Variants in SLC9A9 observed in about 807,000 individuals in gnomAD.
SLC9A9 encodes the protein solute carrier family 9 member A9.
Under a neutral mutation model 77.8 loss-of-function variants are expected in SLC9A9, and 62 were observed. The ratio of observed to expected loss-of-function variants is 0.80; its 90% CI spans 0.65 to 0.98. The LOEUF is 0.98. Among genes scored for constraint, SLC9A9 ranks in the 50% least tolerant of loss-of-function variants. The probability of loss-of-function intolerance (pLI) is 0.00; values close to 1 mark genes in which losing one functional copy is unlikely to be tolerated. For missense variants in SLC9A9, 775 were observed against 774.9 expected, an observed-to-expected ratio of 1.00 and a Z score of 0.00; for synonymous variants, 320 against 283.5, an observed-to-expected ratio of 1.13 and a Z score of -1.29.
chr3:143,659,789 G>T (rs1050094492), intron 5 of SLC9A9, among the ~76,000 whole-genome samples: 2 of 152,144 alleles, frequency 1.3e-5, no homozygotes, highest in Non-Finnish European at 2.9e-5. Context: ...GATATAGTTT[G>T]GGTGTATCCC....
intron 5 of SLC9A9, among the ~76,000 whole-genome samples, chr3:143,678,696 T>G (rs1387165521): frequency 1.3e-5 from 2 of 152,228 alleles, no homozygotes; most frequent in African/African-American, 4.8e-5. Flanking sequence ...TGTAGTATAT[T>G]CTTACATCTG....
At chr3:143,488,242 A>C (rs2035683471) in intron 11 of SLC9A9, among the ~76,000 whole-genome samples, 1 of 151,994 alleles carries the variant, frequency 6.6e-6, no homozygotes, top group Non-Finnish European at 1.5e-5. Flanking sequence ...AACTAATAAG[A>C]AGATTCAATC....
intron 5 of SLC9A9, among the ~76,000 whole-genome samples, chr3:143,657,149 C>A (rs949068199): frequency 2.0e-5 from 3 of 152,128 alleles, no homozygotes; most frequent in East Asian, 1.9e-4. Context: ...TCAAGCTCTG[C>A]CAGTCATAAT....
At chr3:143,480,735 G>T (rs770149164) in intron 11 of SLC9A9, among the ~76,000 whole-genome samples, 12 of 152,190 alleles carry the variant, frequency 7.9e-5, no homozygotes, top group Admixed American at 1.3e-4. Flanking sequence ...TAGTGGCCTT[G>T]TACTGGTGAG....
At chr3:143,380,750 G>A (rs551429516) in intron 13 of SLC9A9, among the ~76,000 whole-genome samples, 62 of 152,308 alleles carry the variant, frequency 4.1e-4, no homozygotes, top group African/African-American at 1.5e-3. Context: ...GTACATGAGA[G>A]CCAGGATCAT....
At chr3:143,671,452 T>G (rs2039152441) in intron 5 of SLC9A9, among the ~76,000 whole-genome samples, 1 of 152,216 alleles carries the variant, frequency 6.6e-6, no homozygotes, top group Admixed American at 6.5e-5. Context: ...TTGCTGCACC[T>G]CAATTATTTC....
intron 5 of SLC9A9, among the ~76,000 whole-genome samples, chr3:143,680,403 GA>G (rs1409209045): frequency 6.6e-6 from 1 of 151,922 alleles, no homozygotes; most frequent in Non-Finnish European, 1.5e-5. Flanking sequence ...AGTACTCCAT[GA>G]AAAAAATCTA....
chr3:143,815,548 A>ATTTTT (rs1559811099), intron 2 of SLC9A9, among the ~76,000 whole-genome samples: 4 of 31,502 alleles, frequency 1.3e-4, no homozygotes, highest in African/African-American at 2.0e-4. Flanking sequence ...TGCTATTTTA[A>ATTTTT]AAAAAAAAAA....
chr3:143,278,549 C>G (rs577527664), intron 14 of SLC9A9, among the ~76,000 whole-genome samples: 4 of 152,172 alleles, frequency 2.6e-5, no homozygotes, highest in Non-Finnish European at 5.9e-5. Flanking sequence ...GGCTCTGAGG[C>G]CAGCAATCCT....
chr3:143,784,652 C>T (rs746387634), intron 4 of SLC9A9, among the ~76,000 whole-genome samples: 7 of 151,940 alleles, frequency 4.6e-5, no homozygotes, highest in Non-Finnish European at 1.0e-4. Flanking sequence ...AATCACCAAA[C>T]CCAGTCCTGA....
intron 6 of SLC9A9, among the ~76,000 whole-genome samples, chr3:143,595,894 T>C (rs2037743427): frequency 6.6e-6 from 1 of 152,172 alleles, no homozygotes; most frequent in Non-Finnish European, 1.5e-5. Flanking sequence ...ACCTACTCCT[T>C]GTTGTACAAT....
intron 9 of SLC9A9, among the ~76,000 whole-genome samples, chr3:143,537,410 C>A (rs897309854): frequency 2.6e-5 from 4 of 152,156 alleles, no homozygotes; most frequent in African/African-American, 9.7e-5. Flanking sequence ...CACCAACCTG[C>A]CCTTGCTGGG....
chr3:143,421,432 G>A (rs142210965), intron 12 of SLC9A9, among the ~76,000 whole-genome samples: 10 of 152,172 alleles, frequency 6.6e-5, no homozygotes, highest in African/African-American at 2.4e-4. Context: ...CAACTGAACA[G>A]AATAGAAAAC....
At chr3:143,422,602 A>T (rs1334341209) in intron 12 of SLC9A9, among the ~76,000 whole-genome samples, 1 of 152,116 alleles carries the variant, frequency 6.6e-6, no homozygotes, top group African/African-American at 2.4e-5. Context: ...TAGAGGAGGG[A>T]GGGAGGAGGG....
chr3:143,299,664 C>T (rs1255136958), intron 14 of SLC9A9, among the ~76,000 whole-genome samples: 7 of 152,104 alleles, frequency 4.6e-5, no homozygotes, highest in Admixed American at 6.5e-5. Context: ...AGGATGGTCT[C>T]GATCTCCTGA....
intron 6 of SLC9A9, among the ~76,000 whole-genome samples, chr3:143,651,830 G>A (rs944463949): frequency 6.6e-6 from 1 of 152,142 alleles, no homozygotes; most frequent in African/African-American, 2.4e-5. Flanking sequence ...GAGAAATAAA[G>A]AGTATTCTGA....
At chr3:143,795,859 A>T (rs1453656626) in intron 3 of SLC9A9, among the ~76,000 whole-genome samples, 1 of 152,144 alleles carries the variant, frequency 6.6e-6, no homozygotes, top group South Asian at 2.1e-4. Context: ...AGCCTTCTAA[A>T]TTTTTTCAAC....
chr3:143,805,105 C>A (rs2008674875), intron 2 of SLC9A9, among the ~76,000 whole-genome samples: 2 of 152,314 alleles, frequency 1.3e-5, no homozygotes, highest in Non-Finnish European at 1.5e-5. Flanking sequence ...CCCCTTTGGG[C>A]ACTCTCTAAT....
At chr3:143,515,192 G>A (rs905937953) in intron 9 of SLC9A9, among the ~76,000 whole-genome samples, 2 of 152,174 alleles carry the variant, frequency 1.3e-5, no homozygotes, top group Non-Finnish European at 2.9e-5. Flanking sequence ...CAACTATTAA[G>A]TTTGCCATCT....
Sources: gnomAD v4.1 joint callset for allele counts (sites outside exome capture counted in the v4.1 genomes callset) on GRCh38, gnomAD v4.1.1 for gene constraint, MANE v1.5 for transcripts, NCBI Gene and HGNC (gene_info 2026-07-23, HGNC 2026-07-21) for gene names.